Variants in EVI5 observed in about 807,000 individuals in gnomAD.
EVI5 encodes ecotropic viral integration site 5.
Under a neutral mutation model 112.0 loss-of-function variants are expected in EVI5, and 73 were observed. The observed-to-expected ratio is 0.65, with a 90% CI of 0.54 to 0.79. The LOEUF (loss-of-function observed/expected upper bound fraction) is 0.79. EVI5 is among the 30% of genes least tolerant of loss of function. EVI5 has a pLI of 0.00. For synonymous variants in EVI5, 305 were observed against 319.9 expected, an observed-to-expected ratio of 0.95 and a Z score of 0.50; for missense variants, 900 against 968.8, an observed-to-expected ratio of 0.93 and a Z score of 0.94.
At chr1:92,640,945 C>T (rs1659845257) in intron 13 of EVI5, among the ~76,000 whole-genome samples, 1 of 152,062 alleles carries the variant, frequency 6.6e-6, no homozygotes, top group Admixed American at 6.6e-5. Flanking sequence ...TAGAAGCCAT[C>T]ATCCTCAGCA....
At chr1:92,599,705 A>G (rs192294867) in intron 18 of EVI5, among the ~76,000 whole-genome samples, 67 of 152,340 alleles carry the variant, frequency 4.4e-4, no homozygotes, top group East Asian at 2.9e-3. Flanking sequence ...TCAGAAAAAT[A>G]CAGCAATTTA....
intron 13 of EVI5, among the ~76,000 whole-genome samples, chr1:92,652,760 AAAG>A (rs1418467716): frequency 2.6e-5 from 4 of 152,216 alleles, no homozygotes; most frequent in Non-Finnish European, 4.4e-5. Flanking sequence ...TTCTCTTCAG[AAAG>A]AAGAACCAAG....
intron 19 of EVI5, among the ~76,000 whole-genome samples, chr1:92,546,804 C>T (rs1665792716): frequency 1.3e-5 from 2 of 152,070 alleles, no homozygotes; most frequent in Admixed American, 1.3e-4. Flanking sequence ...GCTAACTATC[C>T]TAAACACGTA....
intron 2 of EVI5, among the ~76,000 whole-genome samples, chr1:92,718,513 T>A (rs950959383): frequency 1.3e-5 from 2 of 152,186 alleles, no homozygotes; most frequent in African/African-American, 2.4e-5. Context: ...AGACACAATG[T>A]ACCAGAATTT....
At chr1:92,643,131 T>C (rs1231945781) in intron 13 of EVI5, among the ~76,000 whole-genome samples, 1 of 152,150 alleles carries the variant, frequency 6.6e-6, no homozygotes, top group Non-Finnish European at 1.5e-5. Context: ...GAAATATCAC[T>C]GGAGGATTTC....
chr1:92,666,427 G>A (rs1455726414), intron 10 of EVI5, among the ~76,000 whole-genome samples: 1 of 143,476 alleles, frequency 7.0e-6, no homozygotes, highest in African/African-American at 2.6e-5. Flanking sequence ...CGAATCTGTC[G>A]TCCCAGCTAC....
At position 92,646,545 on chromosome 1, in the gene EVI5, C is replaced by T. The variant is rs191688286; in HGVS notation, c.1393-10209G>A. 2.0e-3 allele frequency among the ~76,000 whole-genome samples: 311 copies of T among 152,284 alleles called. 2 individuals are homozygous for T. Among genetic ancestry groups the T allele is most frequent in the Middle Eastern group, 0.01 (3 of 294 alleles). ...GCCTCACAGTGCACGCTCTAAGCTACGACCCCTCCAAAAGGCATTGTCCCC... is the reference window on the plus strand; with the variant it reads ...GCCTCACAGTGCACGCTCTAAGCTATGACCCCTCCAAAAGGCATTGTCCCC... On this transcript the variant is annotated intron_variant, in intron 13 of 19. Coordinates refer to ENST00000684568, the MANE Select transcript of EVI5 (RefSeq NM_001350197.2).
At chr1:92,564,713 G>A (rs967436621) in intron 18 of EVI5, among the ~76,000 whole-genome samples, 3 of 142,918 alleles carry the variant, frequency 2.1e-5, no homozygotes, top group South Asian at 2.2e-4. Flanking sequence ...ATGGACTCTC[G>A]CTGTCACCCA....
intron 19 of EVI5, among the ~76,000 whole-genome samples, chr1:92,547,480 G>A (rs12128411): frequency 0.61 from 92,668 of 151,808 alleles, 29,144 homozygotes; most frequent in East Asian, 0.92. Context: ...CTAGCAGAAG[G>A]CGAGAAGTAA....
At chr1:92,716,575 C>T (rs1182980614) in intron 2 of EVI5, among the ~76,000 whole-genome samples, 1 of 152,144 alleles carries the variant, frequency 6.6e-6, no homozygotes, top group African/African-American at 2.4e-5. Context: ...TCCAAAGGAT[C>T]GCAGCTCCTC....
chr1:92,668,042 A>G (rs1665232950), intron 10 of EVI5, among the ~76,000 whole-genome samples: 1 of 152,186 alleles, frequency 6.6e-6, no homozygotes, highest in African/African-American at 2.4e-5. Context: ...CCATCAATTC[A>G]ACCTATTATT....
chr1:92,608,150 CA>C (rs766774711), intron 16 of EVI5, among the ~76,000 whole-genome samples: 34 of 120,530 alleles, frequency 2.8e-4, no homozygotes, highest in Admixed American at 6.9e-4. Context: ...GACTCCGTCT[CA>C]AAAAAAAAAA....
At chr1:92,683,027 C>T (rs1326460948) in intron 9 of EVI5, among the ~76,000 whole-genome samples, 5 of 152,258 alleles carry the variant, frequency 3.3e-5, no homozygotes, top group East Asian at 3.9e-4. Context: ...TATTTATGGA[C>T]GTCTAATCTA....
At chr1:92,590,364 T>C (rs1673607165) in intron 18 of EVI5, among the ~76,000 whole-genome samples, 1 of 151,962 alleles carries the variant, frequency 6.6e-6, no homozygotes, top group African/African-American at 2.4e-5. Flanking sequence ...TTAAAGACCT[T>C]GAAAAAAGAT....
chr1:92,570,990 T>C (rs1670242536), intron 18 of EVI5, among the ~76,000 whole-genome samples: 1 of 152,064 alleles, frequency 6.6e-6, no homozygotes. Context: ...TGAACTTCTA[T>C]TCACTGTGGA....
intron 16 of EVI5, among the ~76,000 whole-genome samples, chr1:92,618,223 C>G (rs922222739): frequency 1.2e-4 from 19 of 152,196 alleles, no homozygotes; most frequent in African/African-American, 4.6e-4. Context: ...AGTGGCACCA[C>G]TCACCATCAC....
chr1:92,734,153 T>C lies in EVI5; in HGVS notation c.149+2245A>G, dbSNP rs914089606. On this transcript the variant is annotated intron_variant, in intron 2 of 19. Coordinates refer to ENST00000684568, the MANE Select transcript of EVI5 (RefSeq NM_001350197.2). ...GAACTTACAGATCATATTCATTCAA[T>C]CTCCTAATTTTTGCATGAAGAATGT... Among the ~76,000 whole-genome samples the C allele has an allele frequency of 2.6e-5, 4 of 152,184 alleles. 1 individual carries two copies. Among genetic ancestry groups the C allele is most frequent in the African/African-American group, 9.7e-5 (4 of 41,448 alleles).
chr1:92,733,240 A>G (rs1570651908), intron 2 of EVI5: 1 of 212,340 alleles, frequency 4.7e-6, no homozygotes, highest in Non-Finnish European at 1.0e-5. Flanking sequence ...TTTTGTAAAA[A>G]TGTTGAATCT....
intron 16 of EVI5, among the ~76,000 whole-genome samples, chr1:92,614,856 A>AG (rs375404686): frequency 0.93 from 134,365 of 144,350 alleles, 62,624 homozygotes; most frequent in South Asian, 0.97. Context: ...ATATATATAT[A>AG]TATATATATA....
Sources: gnomAD v4.1 joint callset for allele counts (sites outside exome capture counted in the v4.1 genomes callset) on GRCh38, gnomAD v4.1.1 for gene constraint, MANE v1.5 for transcripts, NCBI Gene and HGNC (gene_info 2026-07-23, HGNC 2026-07-21) for gene names.